MDN1: variants seen among roughly 807,000 people sequenced by gnomAD.
MDN1 encodes midasin AAA ATPase 1.
MDN1 carries 266 observed loss-of-function variants against 669.2 expected under a neutral mutation model. The ratio of observed to expected loss-of-function variants is 0.40; its 90% CI spans 0.36 to 0.44. The LOEUF is 0.44. Among genes scored for constraint, MDN1 ranks in the 20% least tolerant of loss-of-function variants. MDN1 has a pLI of 1.00. For missense variants in MDN1, 5,940 were observed against 6,754.0 expected (o/e 0.88, Z 4.22); for synonymous variants, 2,385 against 2,457.1 (o/e 0.97, Z 0.87).
chr6:89,785,118 C>G lies in MDN1; in HGVS notation c.1343G>C (p.Ser448Thr). 1 of 1,611,192 alleles carries G rather than the reference C, an allele frequency of 6.2e-7. No homozygotes were observed. The highest frequency in any genetic ancestry group is 8.5e-7 in the Non-Finnish European group (1 of 1,177,888). The change falls in exon 9 of 102, where the codon AGC becomes ACC. Residue 448 changes from serine to threonine, a missense_variant. By Grantham distance (58) the Ser-to-Thr change is moderately conservative. Around this residue, in one of 5 missense-constraint regions of MDN1, gnomAD observed 1,203 missense variants for 1,268.9 expected, o/e 0.95. Coordinates refer to ENST00000369393, the MANE Select transcript of MDN1 (RefSeq NM_014611.3). Reference protein sequence around the residue: ...FQFFATRRLLSCGGNWYRPLN... With the variant: ...FQFFATRRLLTCGGNWYRPLN... ...CGGTCGATACCAATTTCCTCCACAG[C>G]TCAAGAGTCTACGTTTCAAAATAAA...
chr6:89,691,539 T>C (rs1242304954), intron 63 of MDN1, among the ~76,000 whole-genome samples: 2 of 152,122 alleles, frequency 1.3e-5, no homozygotes, highest in African/African-American at 2.4e-5. Context: ...GGTTGGTTTT[T>C]GTTTTTTTTT....
intron 76 of MDN1, among the ~76,000 whole-genome samples, chr6:89,676,463 G>GGGGGTCAT (rs1811197298): frequency 6.6e-6 from 1 of 152,144 alleles, no homozygotes; most frequent in Non-Finnish European, 1.5e-5. Context: ...GTGGAGGCTA[G>GGGGGTCAT]GGGGTCATAA....
At chr6:89,697,580 C>A (rs1812851843) in intron 59 of MDN1, among the ~76,000 whole-genome samples, 1 of 151,776 alleles carries the variant, frequency 6.6e-6, no homozygotes, top group South Asian at 2.1e-4. Flanking sequence ...CGCTGAACAA[C>A]CCTATTTTTT....
Position 89,654,157 on chromosome 6 carries a change from G to T in MDN1, c.15661+7C>A, listed in dbSNP as rs1809083821. ...CTGGGAAGGGTTTGTTCACTAGCAGGACTCACCCAAGGGTGCTGTGGTGCC... is the reference window on the plus strand; with the variant it reads ...CTGGGAAGGGTTTGTTCACTAGCAGTACTCACCCAAGGGTGCTGTGGTGCC... On this transcript the variant is annotated splice_region_variant and intron_variant, in intron 93 of 101. Transcript: ENST00000369393. 2 of 1,614,084 alleles carry T rather than the reference G, an allele frequency of 1.2e-6. No homozygotes were observed. Among genetic ancestry groups the T allele is most frequent in the Admixed American group, 1.7e-5 (1 of 60,016 alleles).
intron 46 of MDN1, among the ~76,000 whole-genome samples, chr6:89,714,114 C>A (rs2128312304): frequency 6.6e-6 from 1 of 151,934 alleles, no homozygotes; most frequent in South Asian, 2.1e-4. Flanking sequence ...ATCCAACAAG[C>A]AATACTTCAT....
chr6:89,818,088 C>T (rs1056689356), intron 1 of MDN1, among the ~76,000 whole-genome samples: 4 of 152,006 alleles, frequency 2.6e-5, no homozygotes, highest in Non-Finnish European at 4.4e-5. Flanking sequence ...GAGGCCAAGG[C>T]GGGTGGATCA....
chr6:89,659,964 T>C (rs1221856153), intron 88 of MDN1, among the ~76,000 whole-genome samples: 1 of 152,196 alleles, frequency 6.6e-6, no homozygotes, highest in Non-Finnish European at 1.5e-5. Flanking sequence ...CTTGGCTCAC[T>C]GCAACCTCTG....
intron 8 of MDN1, among the ~76,000 whole-genome samples, chr6:89,786,252 G>A (rs1022717947): frequency 9.9e-5 from 15 of 151,402 alleles, no homozygotes; most frequent in Admixed American, 7.2e-4. Context: ...AGTGAGACTC[G>A]GTCTCAAAAA....
At chr6:89,796,043 G>A (rs1220389543) in intron 2 of MDN1, among the ~76,000 whole-genome samples, 1 of 151,734 alleles carries the variant, frequency 6.6e-6, no homozygotes, top group Non-Finnish European at 1.5e-5. Context: ...CTTTGAACAT[G>A]GCCAGGCACA....
intron 99 of MDN1, 67 bp from the exon 100 acceptor site, chr6:89,646,670 T>G: frequency 7.4e-7 from 1 of 1,346,290 alleles, no homozygotes; most frequent in Non-Finnish European, 1.1e-6. Flanking sequence ...TCAAAGAGAC[T>G]GATAGTATTT....
intron 94 of MDN1, 141 bp from the exon 95 acceptor site, chr6:89,652,422 ACAGTGG>A: frequency 1.5e-6 from 1 of 664,948 alleles, no homozygotes; most frequent in South Asian, 1.7e-5. Flanking sequence ...TTCAGCAAAT[ACAGTGG>A]CACAATGAGA....
chr6:89,803,261 T>C, intron 2 of MDN1, 67 bp downstream of exon 2: 2 of 1,368,926 alleles, frequency 1.5e-6, no homozygotes, highest in Non-Finnish European at 2.1e-6. Context: ...CAGACTCCCT[T>C]ACATCCCAGG....
rs894009750 is a variant in MDN1 at position 89,775,583 on chromosome 6, T to C, written c.1822-850A>G. Among the ~76,000 whole-genome samples the C allele has an allele frequency of 2.6e-5, 4 of 152,146 alleles. No homozygotes were observed. In the East Asian group the frequency reaches 5.8e-4, roughly 22 times the overall value. On this transcript the variant is annotated intron_variant, in intron 12 of 101. Coordinates refer to ENST00000369393, the MANE Select transcript of MDN1 (RefSeq NM_014611.3). ...TCCTCCCAAAATACGTATTTTGACA[T>C]AAAACAAGAATGGCAAAATATTAAC...
chr6:89,686,777 A>T (rs945040698), intron 69 of MDN1, 125 bp downstream of exon 69: 6 of 1,287,612 alleles, frequency 4.7e-6, no homozygotes, highest in Admixed American at 4.5e-5. Flanking sequence ...CATGAAGTCA[A>T]ATGGGAGGCA....
At chr6:89,683,691 CA>C in intron 72 of MDN1, 139 bp downstream of exon 72, 1 of 667,364 alleles carries the variant, frequency 1.5e-6, no homozygotes, top group Admixed American at 2.7e-5. Flanking sequence ...AAAGCAACAT[CA>C]AAACAATCAA....
chr6:89,710,777 A>C lies in MDN1; in HGVS notation c.7669T>G (p.Leu2557Val). Residue 2557 changes from leucine (L) to valine (V), a missense_variant, in exon 50 of 102, where the codon TTG becomes GTG. Leu to Val is a conservative substitution (Grantham distance 32). This residue lies in a region of MDN1 where 2,292 missense variants were observed against 2,638.3 expected (regional missense o/e 0.87). Transcript: ENST00000369393. ...PQGLESIQIH[L>V]EASAASLRNF... The stretch of plus-strand genomic sequence containing the variant: ...CTGAGAGATGCAGCACTGGCTTCCA[A>C]ATGAATTTGTATGGACTCTGTGGAG... 1 of 1,602,548 alleles carries C rather than the reference A, an allele frequency of 6.2e-7. No individual in the cohort carries two copies. The highest frequency in any genetic ancestry group is 8.5e-7 in the Non-Finnish European group (1 of 1,174,090).
chr6:89,739,314 C>T (rs563268015), intron 32 of MDN1, among the ~76,000 whole-genome samples: 1 of 152,304 alleles, frequency 6.6e-6, no homozygotes, highest in African/African-American at 2.4e-5. Context: ...AGCTAATATA[C>T]ACAAACTTGA....
intron 5 of MDN1, 73 bp downstream of exon 5, chr6:89,793,689 C>T (rs1819402682): frequency 7.8e-7 from 1 of 1,287,154 alleles, no homozygotes; most frequent in Non-Finnish European, 1.0e-6. Context: ...GTACATAGAA[C>T]CCAGCCAAAG....
chr6:89,678,641 GT>G lies in MDN1; in HGVS notation c.12369del (p.Lys4123AsnfsTer40). ...RSEAKHILMQ[K>X]QRALSDLFKH... Reference sequence around the variant, plus strand: ...TTAAAGAGGTCTGACAAAGCTCGCTGTTTTTGCATGAGAATGTGCTTGGCTT... The same window carrying G: ...TTAAAGAGGTCTGACAAAGCTCGCTGTTTTGCATGAGAATGTGCTTGGCTT... On this transcript the variant is annotated frameshift_variant, in exon 75 of 102. Coordinates refer to ENST00000369393, the MANE Select transcript of MDN1 (RefSeq NM_014611.3). LOFTEE classifies it high-confidence loss of function. 6.2e-7 allele frequency: 1 copy of G among 1,614,132 alleles called. No individual in the cohort carries two copies. The highest frequency in any genetic ancestry group is 8.5e-7 in the Non-Finnish European group (1 of 1,180,014).
Sources: gnomAD v4.1 joint callset for allele counts (sites outside exome capture counted in the v4.1 genomes callset) on GRCh38, gnomAD v4.1.1 for gene constraint, gnomAD v4.1.1 regional missense constraint, MANE v1.5 for transcripts, NCBI Gene and HGNC (gene_info 2026-07-23, HGNC 2026-07-21) for gene names.